The following CBR4 variants were observed in gnomAD, a reference collection of about 807,000 sequenced individuals.
The protein encoded by CBR4 is 3-oxoacyl-[acyl-carrier-protein] reductase.
A neutral mutation model predicts 21.0 loss-of-function variants in CBR4; 22 were observed. That is an observed-to-expected ratio of 1.05 (90% CI 0.75 to 1.50). The LOEUF (loss-of-function observed/expected upper bound fraction) is 1.50, where lower values mean the gene tolerates loss of function less well. Ranked by LOEUF, CBR4 falls within the 40% of genes most tolerant of loss-of-function variation. The pLI, the probability that CBR4 is intolerant of heterozygous loss-of-function variation, is 0.00. For missense variants in CBR4, 302 were observed against 286.3 expected, an observed-to-expected ratio of 1.05 and a Z score of -0.40; for synonymous variants, 100 against 104.4, an observed-to-expected ratio of 0.96 and a Z score of 0.26.
intron 2 of CBR4, chr4:168,924,161 G>C: frequency 1.8e-6 from 2 of 1,084,984 alleles, no homozygotes; most frequent in Non-Finnish European, 1.4e-6. Flanking sequence ...TATCATAAAA[G>C]ATCTATTCAA....
At position 168,988,284 on chromosome 4, in the gene CBR4, G is replaced by T; in HGVS notation, c.*1866C>A. 1 of 985,140 alleles carries T rather than the reference G, an allele frequency of 1.0e-6. No individual in the cohort carries two copies. Among genetic ancestry groups the T allele is most frequent in the Non-Finnish European group, 1.2e-6 (1 of 829,742 alleles). 61.0% of individuals were successfully genotyped at this position (985,140 alleles called of 1,614,324 possible). On this transcript the variant is annotated 3_prime_UTR_variant, in exon 5 of 5. Transcript: ENST00000306193. ...TTGAGATAGGCTGGGGGAGGAGGTG[G>T]AATAGCTTAAAAGGTTATATTTCTT...
At chr4:168,920,588 G>A (rs1582201038) in intron 2 of CBR4, among the ~76,000 whole-genome samples, 1 of 152,148 alleles carries the variant, frequency 6.6e-6, no homozygotes, top group East Asian at 1.9e-4. Context: ...GGCAGATGGC[G>A]ACCATCCTGA....
At chr4:168,944,498 T>G (rs1312843724) in intron 2 of CBR4, among the ~76,000 whole-genome samples, 5 of 150,586 alleles carry the variant, frequency 3.3e-5, no homozygotes, top group Non-Finnish European at 7.4e-5. Flanking sequence ...AGAAGAAAAT[T>G]TAAAAAAAAG....
chr4:168,931,619 C>T (rs1466941551), intron 2 of CBR4, among the ~76,000 whole-genome samples: 2 of 151,658 alleles, frequency 1.3e-5, no homozygotes, highest in Admixed American at 1.3e-4. Context: ...GGCAGACACA[C>T]CCCCAGGCCA....
chr4:168,986,807 G>T (rs113270531), downstream of CBR4, among the ~76,000 whole-genome samples: 2,336 of 152,204 alleles, frequency 0.015, 33 homozygotes, highest in African/African-American at 0.037. Context: ...TAGTCACGCA[G>T]GGTTAATACC....
chr4:168,900,461 A>C (rs553055118), intron 2 of CBR4, among the ~76,000 whole-genome samples: 1 of 152,366 alleles, frequency 6.6e-6, no homozygotes, highest in South Asian at 2.1e-4. Context: ...AATTTATAAA[A>C]TAAGCATAGA....
chr4:168,904,822 C>G (rs1036891090), intron 2 of CBR4, among the ~76,000 whole-genome samples: 1 of 152,092 alleles, frequency 6.6e-6, no homozygotes, highest in East Asian at 1.9e-4. Context: ...AATGACACTA[C>G]AAACTTTTAA....
At chr4:168,993,212 CTTTTTT>C (rs150721961) in intron 4 of CBR4, among the ~76,000 whole-genome samples, 2 of 139,420 alleles carry the variant, frequency 1.4e-5, no homozygotes, top group Admixed American at 7.1e-5. Context: ...ATGTATTTTC[CTTTTTT>C]TTTTTTTTTT....
At chr4:168,979,008 A>T (rs1205126087) in intron 2 of CBR4, among the ~76,000 whole-genome samples, 1 of 151,930 alleles carries the variant, frequency 6.6e-6, no homozygotes, top group African/African-American at 2.4e-5. Flanking sequence ...TATCAGAATC[A>T]GGAGGGAGCA....
At chr4:168,934,480 A>C (rs926648477) in intron 2 of CBR4, among the ~76,000 whole-genome samples, 6 of 151,978 alleles carry the variant, frequency 3.9e-5, no homozygotes, top group Non-Finnish European at 5.9e-5. Context: ...AATAAACAAA[A>C]TCAAAAACAA....
Position 168,987,967 on chromosome 4 carries a change from G to A in CBR4, c.*2183C>T. 1 of 985,352 alleles carries A rather than the reference G, an allele frequency of 1.0e-6. No homozygotes were observed. Among genetic ancestry groups the A allele is most frequent in the African/African-American group, 1.7e-5 (1 of 57,364 alleles). The allele number at this position is 985,352 out of a possible 1,614,324, so 61.0% of individuals were successfully genotyped here. On this transcript the variant is annotated 3_prime_UTR_variant, in exon 5 of 5. Coordinates refer to ENST00000306193, the MANE Select transcript of CBR4 (RefSeq NM_032783.5). Reference sequence around the variant, plus strand: ...TACCTATAAACCTTATTTTGTTAATGCTAAGCACAGAACCCTTATGGGCTC... The same window carrying A: ...TACCTATAAACCTTATTTTGTTAATACTAAGCACAGAACCCTTATGGGCTC...
At chr4:168,935,376 C>A (rs547042011) in intron 2 of CBR4, among the ~76,000 whole-genome samples, 10 of 152,160 alleles carry the variant, frequency 6.6e-5, no homozygotes, top group Non-Finnish European at 1.5e-4. Flanking sequence ...AGTTTCTTTT[C>A]GTACCCCAGT....
chr4:168,912,002 G>A (rs1292160096), intron 2 of CBR4, among the ~76,000 whole-genome samples: 2 of 152,002 alleles, frequency 1.3e-5, no homozygotes, highest in East Asian at 1.9e-4. Context: ...TTTTCTGGGT[G>A]GTTATAGCCC....
intron 2 of CBR4, among the ~76,000 whole-genome samples, chr4:168,968,706 G>C (rs954794378): frequency 1.3e-5 from 2 of 152,190 alleles, no homozygotes; most frequent in Non-Finnish European, 2.9e-5. Flanking sequence ...CATTAATTAA[G>C]TAGGAATATG....
chr4:168,997,752 G>A (rs573302301), intron 4 of CBR4, among the ~76,000 whole-genome samples: 1 of 152,054 alleles, frequency 6.6e-6, no homozygotes, highest in South Asian at 2.1e-4. Context: ...ATTTAAAAAG[G>A]CATCAGGATT....
At chr4:169,009,681 C>T (rs1459998059) in intron 1 of CBR4, among the ~76,000 whole-genome samples, 1 of 152,252 alleles carries the variant, frequency 6.6e-6, no homozygotes, top group Non-Finnish European at 1.5e-5. Flanking sequence ...TATAGCGGGG[C>T]CTCAAAAGAC....
chr4:168,919,016 TA>T (rs1260400737), intron 2 of CBR4, among the ~76,000 whole-genome samples: 2 of 152,120 alleles, frequency 1.3e-5, no homozygotes, highest in Admixed American at 6.6e-5. Context: ...TTTTTAAATA[TA>T]AAAAATAAGA....
intron 2 of CBR4, among the ~76,000 whole-genome samples, chr4:168,956,025 G>A (rs190094518): frequency 3.3e-5 from 5 of 152,082 alleles, no homozygotes; most frequent in Admixed American, 6.6e-5. Flanking sequence ...AAATACAATC[G>A]GCACAGCAGC....
At chr4:169,009,805 T>C (rs1218744902) in intron 1 of CBR4, 143 bp downstream of exon 1, 5 of 749,772 alleles carry the variant, frequency 6.7e-6, no homozygotes, top group Non-Finnish European at 4.2e-6. Context: ...CATTCTACCC[T>C]TGGAACGGGA....
Sources: allele counts gnomAD v4.1 joint callset (sites outside exome capture counted in the v4.1 genomes callset), GRCh38; gene constraint gnomAD v4.1.1; transcripts MANE v1.5; gene names NCBI Gene and HGNC (gene_info 2026-07-23, HGNC 2026-07-21).